MECOM: variants seen among roughly 807,000 people sequenced by gnomAD.
MECOM encodes MDS1 and EVI1 complex locus, also known as histone-lysine N-methyltransferase MECOM.
MECOM carries 13 observed loss-of-function variants against 116.3 expected under a neutral mutation model. The observed-to-expected ratio is 0.11, with a 90% CI of 0.07 to 0.18. The LOEUF is 0.18. MECOM is among the 10% of genes least tolerant of loss of function. The probability of loss-of-function intolerance (pLI) is 1.00; values close to 1 mark genes in which losing one functional copy is unlikely to be tolerated. For missense variants in MECOM, 1,299 were observed against 1,509.0 expected (o/e 0.86, Z 2.31); for synonymous variants, 528 against 535.2 (o/e 0.99, Z 0.19).
chr3:169,348,262 T>A lies in MECOM; in HGVS notation c.375+32925A>T, dbSNP rs764091051. Among the ~76,000 whole-genome samples, 35 of 152,212 alleles carry A rather than the reference T, an allele frequency of 2.3e-4. No individual in the cohort carries two copies. In the Middle Eastern group the frequency reaches 0.014, roughly 59 times the overall value. ...TGCCCTTAGAAAAATTAGTATGTTT[T>A]TATTCACTGAAGTAAAAAGAGGCTG... On this transcript the variant is annotated intron_variant, in intron 2 of 16. Transcript: ENST00000651503.
At position 169,089,044 on chromosome 3, in the gene MECOM, G is replaced by A. The variant is rs780160371; in HGVS notation, c.3541C>T (p.Pro1181Ser). ...ELSSFSTSHV[P>S]EELKQPLHRK... ...TGTAACGGCTGCTTAAGTTCCTCTG[G>A]CACATGGGAAGTACTAAAAGAAGAC... is the stretch of plus-strand genomic sequence containing the variant. Residue 1181 changes from proline to serine, a missense_variant, in exon 16 of 17, where the codon CCA (proline) becomes TCA (serine). Physicochemically the swap from Pro to Ser is moderately conservative, Grantham distance 74. Transcript: ENST00000651503. The A allele has an allele frequency of 1.9e-6, 3 of 1,606,548 alleles. No individual in the cohort carries two copies. Among genetic ancestry groups the A allele is most frequent in the East Asian group, 4.5e-5 (2 of 44,462 alleles).
chr3:169,276,552 CAAAAAAAAAAAA>C (rs58452538), intron 2 of MECOM, among the ~76,000 whole-genome samples: 2 of 47,774 alleles, frequency 4.2e-5, no homozygotes, highest in African/African-American at 7.3e-5. Context: ...GACTCTGCCT[CAAAAAAAAAAAA>C]AAAAAAAAAA....
chr3:169,499,037 TAA>T (rs969094026), intron 1 of MECOM, among the ~76,000 whole-genome samples: 2 of 151,750 alleles, frequency 1.3e-5, no homozygotes, highest in Non-Finnish European at 2.9e-5. Flanking sequence ...TCACAGAATG[TAA>T]AGAGATAAAG....
chr3:169,374,895 G>T (rs969951025), intron 2 of MECOM, among the ~76,000 whole-genome samples: 2 of 151,822 alleles, frequency 1.3e-5, no homozygotes, highest in African/African-American at 4.8e-5. Context: ...TAATTAGCGA[G>T]TCATGGTGGT....
At chr3:169,304,893 T>C (rs1247897930) in intron 2 of MECOM, among the ~76,000 whole-genome samples, 5 of 152,396 alleles carry the variant, frequency 3.3e-5, no homozygotes, top group African/African-American at 1.2e-4. Flanking sequence ...AAGCTTGTGC[T>C]GAGTCCCTCC....
intron 2 of MECOM, among the ~76,000 whole-genome samples, chr3:169,165,975 T>C (rs1447591155): frequency 6.6e-6 from 1 of 152,152 alleles, no homozygotes; most frequent in Non-Finnish European, 1.5e-5. Flanking sequence ...TTTTTAATGT[T>C]CCCAAACAGC....
chr3:169,375,221 G>A (rs954888336), intron 2 of MECOM, among the ~76,000 whole-genome samples: 1 of 151,892 alleles, frequency 6.6e-6, no homozygotes, highest in Admixed American at 6.6e-5. Context: ...GAAGAAAGTG[G>A]GAAAGATCTA....
chr3:169,093,726 G>A (rs918965711), intron 13 of MECOM, among the ~76,000 whole-genome samples: 4 of 152,126 alleles, frequency 2.6e-5, no homozygotes, highest in Non-Finnish European at 4.4e-5. Flanking sequence ...CACAATACCC[G>A]TATCACTGGA....
At chr3:169,485,792 C>T (rs1752051423) in intron 1 of MECOM, among the ~76,000 whole-genome samples, 1 of 148,696 alleles carries the variant, frequency 6.7e-6, no homozygotes, top group South Asian at 2.1e-4. Flanking sequence ...ATAGAGATAA[C>T]TTTGAAATGT....
chr3:169,633,526 G>C (rs1004459258), intron 1 of MECOM, among the ~76,000 whole-genome samples: 1 of 152,154 alleles, frequency 6.6e-6, no homozygotes, highest in African/African-American at 2.4e-5. Flanking sequence ...GGTTCTTGGA[G>C]GGTGTGGGCA....
chr3:169,376,798 G>A (rs1731117805), intron 2 of MECOM, among the ~76,000 whole-genome samples: 2 of 152,118 alleles, frequency 1.3e-5, no homozygotes, highest in Admixed American at 1.3e-4. Flanking sequence ...AGCTACCATT[G>A]ACTTTCTTCA....
chr3:169,331,784 A>G (rs948161813), intron 2 of MECOM, among the ~76,000 whole-genome samples: 2 of 152,090 alleles, frequency 1.3e-5, no homozygotes, highest in Non-Finnish European at 2.9e-5. Flanking sequence ...ATTTGATTTT[A>G]GTGGAGCTTT....
At chr3:169,645,767 G>T (rs559075492) in intron 1 of MECOM, among the ~76,000 whole-genome samples, 48 of 152,304 alleles carry the variant, frequency 3.2e-4, no homozygotes, top group Admixed American at 5.2e-4. Context: ...AATGCTGGAA[G>T]TAGCCCCCAA....
intron 12 of MECOM, among the ~76,000 whole-genome samples, chr3:169,097,750 G>A (rs957341855): frequency 4.9e-5 from 7 of 143,330 alleles, no homozygotes; most frequent in Non-Finnish European, 1.1e-4. Context: ...AGGCTGACGT[G>A]GGAGAACTGC....
chr3:169,592,492 T>G (rs150727686), intron 1 of MECOM, among the ~76,000 whole-genome samples: 2 of 152,336 alleles, frequency 1.3e-5, no homozygotes, highest in Non-Finnish European at 2.9e-5. Flanking sequence ...AGCCTTCTCC[T>G]CTACCCTCTG....
intron 1 of MECOM, among the ~76,000 whole-genome samples, chr3:169,478,542 G>T (rs1050702270): frequency 1.3e-5 from 2 of 152,178 alleles, no homozygotes; most frequent in South Asian, 2.1e-4. Context: ...GCTAAGCCAA[G>T]ATTGAGTTAT....
intron 2 of MECOM, among the ~76,000 whole-genome samples, chr3:169,308,127 T>C (rs73172053): frequency 0.028 from 4,254 of 152,326 alleles, 95 homozygotes; most frequent in Admixed American, 0.045. Flanking sequence ...TTACAAGTTG[T>C]AATTATACGT....
At chr3:169,167,656 G>A (rs1187018530) in intron 2 of MECOM, among the ~76,000 whole-genome samples, 2 of 152,000 alleles carry the variant, frequency 1.3e-5, no homozygotes, top group Admixed American at 6.6e-5. Flanking sequence ...ATGTCTTCTT[G>A]GATAATTGAA....
chr3:169,426,751 T>C (rs1376612815), intron 1 of MECOM, among the ~76,000 whole-genome samples: 1 of 152,158 alleles, frequency 6.6e-6, no homozygotes, highest in East Asian at 1.9e-4. Flanking sequence ...GCAGAGAAGA[T>C]TGTGCAAGAC....
Sources: allele counts gnomAD v4.1 joint callset (sites outside exome capture counted in the v4.1 genomes callset), GRCh38; gene constraint gnomAD v4.1.1; transcripts MANE v1.5; gene names NCBI Gene and HGNC (gene_info 2026-07-23, HGNC 2026-07-21).